Variants in ANKS1A observed in about 807,000 individuals in gnomAD.
The protein encoded by ANKS1A is ankyrin repeat and SAM domain-containing protein 1A.
A neutral mutation model predicts 120.3 loss-of-function variants in ANKS1A; 55 were observed. The observed-to-expected ratio is 0.46, with a 90% CI of 0.37 to 0.57. ANKS1A has a LOEUF of 0.57. Ranked by LOEUF, ANKS1A falls within the 20% of genes least tolerant of loss-of-function variation. The pLI is 0.00. For synonymous variants in ANKS1A, 590 were observed against 604.7 expected (o/e 0.98, Z 0.36); for missense variants, 1,123 against 1,480.3 (o/e 0.76, Z 3.96).
At chr6:34,890,405 A>G (rs1416663811) in intron 1 of ANKS1A, among the ~76,000 whole-genome samples, 1 of 152,118 alleles carries the variant, frequency 6.6e-6, no homozygotes, top group East Asian at 1.9e-4. Context: ...CTTTTGTTTT[A>G]TTAAAATTGC....
At chr6:35,036,979 C>G (rs2689092) in intron 11 of ANKS1A, among the ~76,000 whole-genome samples, 139,926 of 152,302 alleles carry the variant, frequency 0.92, 64,899 homozygotes, top group East Asian at 0.99. Flanking sequence ...TGAAGAGCCA[C>G]GTCCTAACAG....
chr6:35,072,258 C>A (rs911274595), intron 13 of ANKS1A, among the ~76,000 whole-genome samples: 4 of 152,240 alleles, frequency 2.6e-5, no homozygotes, highest in Non-Finnish European at 5.9e-5. Flanking sequence ...TCCCAGGACG[C>A]CCGGGGCCGA....
chr6:35,030,752 C>T (rs1184544942), intron 11 of ANKS1A, among the ~76,000 whole-genome samples: 2 of 152,172 alleles, frequency 1.3e-5, no homozygotes, highest in African/African-American at 4.8e-5. Context: ...TGCAGTCCTC[C>T]ATAATAGTTG....
At chr6:35,029,695 A>G (rs1333015801) in intron 11 of ANKS1A, among the ~76,000 whole-genome samples, 2 of 149,532 alleles carry the variant, frequency 1.3e-5, no homozygotes, top group Non-Finnish European at 3.0e-5. Context: ...TCCTTACTCT[A>G]AGATTACAAA....
At chr6:35,014,579 G>A (rs1182813503) in intron 10 of ANKS1A, among the ~76,000 whole-genome samples, 1 of 152,240 alleles carries the variant, frequency 6.6e-6, no homozygotes, top group Non-Finnish European at 1.5e-5. Context: ...TCCCACAGCA[G>A]CAGTTAGAAC....
intron 11 of ANKS1A, among the ~76,000 whole-genome samples, chr6:35,018,573 ATGTGCAGGTT>A (rs1774166705): frequency 6.6e-6 from 1 of 152,040 alleles, no homozygotes; most frequent in Admixed American, 6.6e-5. Context: ...CAGGGGGTAC[ATGTGCAGGTT>A]TGTTACATGG....
At chr6:34,955,217 A>G (rs1291721195) in intron 1 of ANKS1A, among the ~76,000 whole-genome samples, 1 of 148,910 alleles carries the variant, frequency 6.7e-6, no homozygotes, top group Non-Finnish European at 1.5e-5. Flanking sequence ...GCTCACTGTG[A>G]CCTCCACCTC....
intron 1 of ANKS1A, among the ~76,000 whole-genome samples, chr6:34,960,646 GT>G (rs1408843474): frequency 1.3e-5 from 2 of 152,274 alleles, no homozygotes; most frequent in Non-Finnish European, 2.9e-5. Context: ...GGCCTCACCA[GT>G]CATATTCTTC....
At chr6:34,976,818 C>T (rs1033747263) in intron 3 of ANKS1A, among the ~76,000 whole-genome samples, 2 of 151,734 alleles carry the variant, frequency 1.3e-5, no homozygotes, top group Non-Finnish European at 2.9e-5. Flanking sequence ...ATTGTTGTCA[C>T]TGATGAAATA....
chr6:34,959,406 T>C (rs1407737715), intron 1 of ANKS1A, among the ~76,000 whole-genome samples: 3 of 152,180 alleles, frequency 2.0e-5, no homozygotes, highest in African/African-American at 7.2e-5. Flanking sequence ...ATGTTAGAAG[T>C]TGCACCCTGG....
At chr6:35,018,465 A>G (rs1185085629) in intron 11 of ANKS1A, among the ~76,000 whole-genome samples, 1 of 151,856 alleles carries the variant, frequency 6.6e-6, no homozygotes, top group African/African-American at 2.4e-5. Context: ...GAGAGGTGTG[A>G]GGGGTGTTTA....
chr6:35,036,811 C>G (rs937064318), intron 11 of ANKS1A, among the ~76,000 whole-genome samples: 40 of 152,220 alleles, frequency 2.6e-4, no homozygotes, highest in Admixed American at 1.7e-3. Context: ...CAATTGCAGA[C>G]CAGCAGCATC....
At chr6:34,966,426 G>T (rs879220978) in intron 1 of ANKS1A, among the ~76,000 whole-genome samples, 2 of 152,192 alleles carry the variant, frequency 1.3e-5, no homozygotes, top group Non-Finnish European at 2.9e-5. Flanking sequence ...AAGTTACAGA[G>T]TATCTACCTC....
In ANKS1A at chr6:34,958,606, C is replaced by T. The variant is rs149321344; in HGVS notation, c.198-8633C>T. Among the ~76,000 whole-genome samples the T allele has an allele frequency of 7.4e-3, 1,121 of 152,234 alleles. 21 individuals carry two copies. The highest frequency in any genetic ancestry group is 0.026 in the African/African-American group (1,064 of 41,522). ...CTAAAACACCCATCTGATTATTCCCCGCTTGAATCTCTTCAGCGGCATACA... is the reference window on the plus strand; with the variant it reads ...CTAAAACACCCATCTGATTATTCCCTGCTTGAATCTCTTCAGCGGCATACA... On this transcript the variant is annotated intron_variant, in intron 1 of 23. Transcript: ENST00000360359.
chr6:35,082,409 T>C lies in ANKS1A; in HGVS notation c.2710-282T>C, dbSNP rs1171705184. 2.0e-5 allele frequency among the ~76,000 whole-genome samples: 3 copies of C among 151,884 alleles called. No individual in the cohort carries two copies. Among genetic ancestry groups the C allele is most frequent in the Non-Finnish European group, 4.4e-5 (3 of 67,964 alleles). Reference sequence around the variant, plus strand: ...GACTCTGCCATCTCCTCTCTGGTCATTTCCCATCTCCTTTGAGACTCATCT... The same window carrying C: ...GACTCTGCCATCTCCTCTCTGGTCACTTCCCATCTCCTTTGAGACTCATCT... On this transcript the variant is annotated intron_variant, in intron 17 of 23. Transcript: ENST00000360359. This position sits in a 1 kb window ranked among gnomAD's most constrained non-coding sequence, Gnocchi z 4.1.
intron 1 of ANKS1A, 135 bp from the exon 2 acceptor site, chr6:34,967,104 A>G: frequency 1.4e-6 from 1 of 734,144 alleles, no homozygotes; most frequent in Non-Finnish European, 2.3e-6. Context: ...GTGTGTTATC[A>G]GGAGTCATTT....
At chr6:35,007,793 T>C (rs1306356219) in intron 10 of ANKS1A, among the ~76,000 whole-genome samples, 1 of 152,204 alleles carries the variant, frequency 6.6e-6, no homozygotes, top group Non-Finnish European at 1.5e-5. Flanking sequence ...ATTAAGTCAG[T>C]ATTTCTGAGA....
intron 1 of ANKS1A, among the ~76,000 whole-genome samples, chr6:34,896,702 C>T (rs1767104123): frequency 1.3e-5 from 2 of 152,144 alleles, no homozygotes; most frequent in African/African-American, 2.4e-5. Flanking sequence ...CAGTGGCTCA[C>T]GCCTGTAATC....
intron 1 of ANKS1A, among the ~76,000 whole-genome samples, chr6:34,902,798 G>T (rs1258500921): frequency 3.0e-5 from 4 of 131,446 alleles, no homozygotes; most frequent in African/African-American, 1.1e-4. Flanking sequence ...GCAAGACTCC[G>T]TCTCAAAAAA....
Sources: allele counts gnomAD v4.1 joint callset (sites outside exome capture counted in the v4.1 genomes callset), GRCh38; gene constraint gnomAD v4.1.1; non-coding constraint Gnocchi (gnomAD v3.1); transcripts MANE v1.5; gene names NCBI Gene and HGNC (gene_info 2026-07-23, HGNC 2026-07-21).